Variants in CSMD3 observed in about 807,000 individuals in gnomAD.
CSMD3 encodes the protein CUB and sushi domain-containing protein 3.
Under a neutral mutation model 435.2 loss-of-function variants are expected in CSMD3, and 177 were observed. The observed-to-expected ratio is 0.41, with a 90% confidence interval of 0.36 to 0.46. The LOEUF is 0.46. CSMD3 is among the 20% of genes least tolerant of loss of function. CSMD3 has a pLI of 0.34. For synonymous variants in CSMD3, 1,656 were observed against 1,520.5 expected (o/e 1.09, Z -2.07); for missense variants, 4,265 against 4,504.6 (o/e 0.95, Z 1.52).
chr8:112,688,123 G>A (rs1355406731), intron 14 of CSMD3, among the ~76,000 whole-genome samples: 1 of 152,168 alleles, frequency 6.6e-6, no homozygotes. Context: ...GTTTGGTTAT[G>A]TTCCAATAAA....
chr8:112,404,298 G>A (rs2129970966), intron 35 of CSMD3, among the ~76,000 whole-genome samples: 1 of 152,260 alleles, frequency 6.6e-6, no homozygotes, highest in Middle Eastern at 3.4e-3. Flanking sequence ...GGGAGGCCGA[G>A]GCGGGTGGAT....
At chr8:112,737,842 C>T (rs918656610) in intron 13 of CSMD3, among the ~76,000 whole-genome samples, 14 of 151,792 alleles carry the variant, frequency 9.2e-5, no homozygotes, top group Non-Finnish European at 1.5e-4. Context: ...TGAAGAAAAA[C>T]CCCTTTTGAT....
intron 13 of CSMD3, among the ~76,000 whole-genome samples, chr8:112,743,547 G>A (rs945830644): frequency 6.6e-6 from 1 of 151,726 alleles, no homozygotes; most frequent in Non-Finnish European, 1.5e-5. Context: ...TTGTGATTAT[G>A]TATATGTATA....
chr8:112,874,227 G>A (rs908774278), intron 10 of CSMD3, among the ~76,000 whole-genome samples: 2 of 152,152 alleles, frequency 1.3e-5, no homozygotes, highest in African/African-American at 4.8e-5. Flanking sequence ...TTTTGAGTGA[G>A]TTTCTTAATC....
rs1179681742 is a variant in CSMD3, at chr8:112,337,532, T to A, written c.6841+11A>T. The A allele has an allele frequency of 6.2e-7, 1 of 1,609,126 alleles. No individual in the cohort carries two copies. Among genetic ancestry groups the A allele is most frequent in the Non-Finnish European group, 8.5e-7 (1 of 1,175,552 alleles). On this transcript the variant is annotated intron_variant, in intron 43 of 70. Coordinates refer to ENST00000297405, the MANE Select transcript of CSMD3 (RefSeq NM_198123.2). ...CATCACCTAAAAGATAGCTTCAAGTTAGAAGCATACCTTCACACCTTGGAA... is the reference window on the plus strand; with the variant it reads ...CATCACCTAAAAGATAGCTTCAAGTAAGAAGCATACCTTCACACCTTGGAA...
intron 45 of CSMD3, among the ~76,000 whole-genome samples, chr8:112,331,999 A>G (rs185704897): frequency 1.3e-5 from 2 of 152,248 alleles, no homozygotes; most frequent in African/African-American, 4.8e-5. Flanking sequence ...GAAATTACAC[A>G]TTTAGTAATT....
chr8:113,073,127 A>G (rs2089196334), intron 5 of CSMD3, among the ~76,000 whole-genome samples: 1 of 151,834 alleles, frequency 6.6e-6, no homozygotes, highest in African/African-American at 2.4e-5. Flanking sequence ...ATGCACATTT[A>G]TCCATATGAA....
intron 1 of CSMD3, among the ~76,000 whole-genome samples, chr8:113,389,489 G>T (rs1427766593): frequency 6.6e-6 from 1 of 151,580 alleles, no homozygotes; most frequent in Non-Finnish European, 1.5e-5. Context: ...GACTTTTGAT[G>T]TGCCATATAT....
chr8:112,826,949 G>C (rs2079699342), intron 12 of CSMD3, among the ~76,000 whole-genome samples: 2 of 151,338 alleles, frequency 1.3e-5, no homozygotes, highest in Non-Finnish European at 2.9e-5. Context: ...GATATCAATT[G>C]GTACATCAGA....
chr8:113,044,684 T>C (rs2131301261), intron 5 of CSMD3, among the ~76,000 whole-genome samples: 2 of 149,312 alleles, frequency 1.3e-5, no homozygotes, highest in South Asian at 4.2e-4. Flanking sequence ...TATATCAACA[T>C]AAATGTGGCC....
chr8:113,110,574 T>C (rs1243674123), intron 4 of CSMD3, among the ~76,000 whole-genome samples: 1 of 152,072 alleles, frequency 6.6e-6, no homozygotes, highest in African/African-American at 2.4e-5. Flanking sequence ...TATTTCTACA[T>C]TTTTTTAATG....
chr8:113,172,805 G>A (rs1314310825), intron 4 of CSMD3, among the ~76,000 whole-genome samples: 1 of 152,156 alleles, frequency 6.6e-6, no homozygotes, highest in African/African-American at 2.4e-5. Context: ...AGGAATTACA[G>A]AAGCATATGC....
intron 10 of CSMD3, among the ~76,000 whole-genome samples, chr8:112,913,170 C>A (rs1232536295): frequency 1.6e-4 from 25 of 151,938 alleles, no homozygotes; most frequent in Admixed American, 1.4e-3. Flanking sequence ...GGTCCCCAAC[C>A]TTTTAGGCAC....
At chr8:112,889,009 A>G (rs2081698035) in intron 10 of CSMD3, among the ~76,000 whole-genome samples, 1 of 151,710 alleles carries the variant, frequency 6.6e-6, no homozygotes, top group Non-Finnish European at 1.5e-5. Context: ...TCCACTGGAT[A>G]TTTTTAGAAA....
intron 27 of CSMD3, among the ~76,000 whole-genome samples, chr8:112,532,541 T>C (rs548832473): frequency 6.4e-4 from 98 of 152,096 alleles, no homozygotes; most frequent in Non-Finnish European, 1.2e-3. Context: ...TGAGAGAGTG[T>C]CATGGAATAT....
In CSMD3 at chr8:112,265,572, G is replaced by A. The variant is rs2130416001; in HGVS notation, c.9527C>T (p.Pro3176Leu). ...TCTCAGTCCATTGGCTGGTATACCT[G>A]GGTCTCCACAACTGATTACTGTCAG... ...PNCTIISCGD[P>L]GIPANGLRYG... Residue 3176 changes from proline to leucine, a missense_variant, in exon 60 of 71, where the codon CCA (proline) becomes CTA (leucine). Physicochemically the swap from Pro to Leu is moderately conservative, Grantham distance 98. This residue lies in a region of CSMD3 where 3,255 missense variants were observed against 3,380.2 expected (regional missense o/e 0.96). Coordinates refer to ENST00000297405, the MANE Select transcript of CSMD3 (RefSeq NM_198123.2). The A allele has an allele frequency of 6.2e-7, 1 of 1,612,992 alleles. No homozygotes were observed. Among genetic ancestry groups the A allele is most frequent in the Non-Finnish European group, 8.5e-7 (1 of 1,179,136 alleles).
chr8:112,394,908 T>C (rs1466498453), intron 35 of CSMD3, among the ~76,000 whole-genome samples: 1 of 152,186 alleles, frequency 6.6e-6, no homozygotes, highest in Non-Finnish European at 1.5e-5. Context: ...CTCAATAAAT[T>C]ATTGCTGAAT....
intron 1 of CSMD3, among the ~76,000 whole-genome samples, chr8:113,420,581 A>T (rs2094604562): frequency 6.6e-6 from 1 of 152,156 alleles, no homozygotes; most frequent in South Asian, 2.1e-4. Context: ...CATTAAAATA[A>T]TTCTTAGACT....
chr8:112,819,514 C>T (rs1180389917), intron 12 of CSMD3, among the ~76,000 whole-genome samples: 1 of 152,192 alleles, frequency 6.6e-6, no homozygotes, highest in African/African-American at 2.4e-5. Context: ...TGATTCAACT[C>T]TAAGTCTGTA....
Sources: gnomAD v4.1 joint callset for allele counts (sites outside exome capture counted in the v4.1 genomes callset) on GRCh38, gnomAD v4.1.1 for gene constraint, gnomAD v4.1.1 regional missense constraint, MANE v1.5 for transcripts, NCBI Gene and HGNC (gene_info 2026-07-23, HGNC 2026-07-21) for gene names.